The following FAM135B variants were observed in gnomAD, a reference collection of about 807,000 sequenced individuals.
The protein encoded by FAM135B is protein FAM135B.
In FAM135B, 43 loss-of-function variants were observed where a neutral mutation model predicts 127.7. The observed-to-expected ratio is 0.34, with a 90% CI of 0.26 to 0.43. FAM135B has a LOEUF of 0.43. Ranked by LOEUF, FAM135B falls within the 20% of genes least tolerant of loss-of-function variation. FAM135B has a pLI of 1.00. For missense variants in FAM135B, 1,558 were observed against 1,725.6 expected (o/e 0.90, Z 1.72); for synonymous variants, 670 against 665.1 (o/e 1.01, Z -0.11).
chr8:138,133,759 G>A lies in FAM135B; in HGVS notation c.4016-961C>T, dbSNP rs140987575. On this transcript the variant is annotated intron_variant, in intron 19 of 19. Coordinates refer to ENST00000395297, the MANE Select transcript of FAM135B (RefSeq NM_015912.4). The stretch of plus-strand genomic sequence containing the variant: ...ATGCCACGTGAAGGAACTCAACACC[G>A]TTTTCCTTTTCCCTCCAGTTATCAG... Among the ~76,000 whole-genome samples the A allele has an allele frequency of 2.5e-3, 381 of 152,224 alleles. 3 individuals are homozygous for A. The highest frequency in any genetic ancestry group is 8.6e-3 in the African/African-American group (357 of 41,546).
intron 3 of FAM135B, among the ~76,000 whole-genome samples, chr8:138,301,808 C>T (rs773203670): frequency 3.9e-5 from 6 of 152,204 alleles, no homozygotes; most frequent in South Asian, 2.1e-4. Context: ...AATTTTATAA[C>T]GCCCTTTTCA....
intron 3 of FAM135B, among the ~76,000 whole-genome samples, chr8:138,304,047 GTGTGC>G (rs1363080115): frequency 6.6e-6 from 1 of 152,312 alleles, no homozygotes; most frequent in East Asian, 1.9e-4. Flanking sequence ...CTTATGATGG[GTGTGC>G]TGTCAGTGAG....
Position 138,243,897 on chromosome 8 carries a change from T to C in FAM135B, c.543-829A>G, listed in dbSNP as rs188305122. ...GTTTTGTCATATTGTGGATACTATA[T>C]TCTAGGCATGTTTTAGTCCCTCAGT... On this transcript the variant is annotated intron_variant, in intron 6 of 19. Coordinates refer to ENST00000395297, the MANE Select transcript of FAM135B (RefSeq NM_015912.4). The surrounding 1 kb of genome is among the most constrained non-coding windows in gnomAD (Gnocchi z 7.5). Among the ~76,000 whole-genome samples the C allele has an allele frequency of 3.2e-4, 48 of 152,312 alleles. No homozygotes were observed. The highest frequency in any genetic ancestry group is 5.3e-4 in the Non-Finnish European group (36 of 68,032).
intron 1 of FAM135B, among the ~76,000 whole-genome samples, chr8:138,482,082 C>T (rs995695977): frequency 6.6e-6 from 1 of 152,146 alleles, no homozygotes; most frequent in African/African-American, 2.4e-5. Flanking sequence ...ACATCATGCC[C>T]AAGCTTCAGC....
At chr8:138,346,662 C>T (rs569737824) in intron 2 of FAM135B, among the ~76,000 whole-genome samples, 20 of 151,910 alleles carry the variant, frequency 1.3e-4, no homozygotes, top group East Asian at 3.9e-4. Context: ...TGGGGCCTGT[C>T]GGGGGGTCAG....
In FAM135B at chr8:138,380,768, A is replaced by C. The variant is rs76316366; in HGVS notation, c.-19-12766T>G. On this transcript the variant is annotated intron_variant, in intron 1 of 19. Transcript: ENST00000395297. ...AGGTTGGAAAAAAAAAGTAACAAAC[A>C]ACAAAATCTAACTTTAGATCTTCCT... Among the ~76,000 whole-genome samples the C allele has an allele frequency of 4.2e-3, 635 of 152,164 alleles. 6 individuals are homozygous for C. Among genetic ancestry groups the C allele is most frequent in the African/African-American group, 0.015 (615 of 41,504 alleles).
chr8:138,327,238 T>C (rs1827849707), intron 2 of FAM135B, among the ~76,000 whole-genome samples: 2 of 152,204 alleles, frequency 1.3e-5, no homozygotes, highest in African/African-American at 2.4e-5. Flanking sequence ...GTCAACCGTG[T>C]GTCAGGCAAG....
chr8:138,312,774 G>C (rs571942591), intron 2 of FAM135B, among the ~76,000 whole-genome samples: 1 of 152,282 alleles, frequency 6.6e-6, no homozygotes, highest in African/African-American at 2.4e-5. Context: ...GACTTCAGCA[G>C]GGAGCCAGGC....
At chr8:138,424,014 G>C (rs1476203437) in intron 1 of FAM135B, among the ~76,000 whole-genome samples, 1 of 152,104 alleles carries the variant, frequency 6.6e-6, no homozygotes. Flanking sequence ...GGAGTTTAAG[G>C]TTTTCTCTCT....
intron 2 of FAM135B, among the ~76,000 whole-genome samples, chr8:138,338,204 G>A (rs1828760723): frequency 6.6e-6 from 1 of 151,856 alleles, no homozygotes; most frequent in Admixed American, 6.6e-5. Flanking sequence ...CATAGGCAAG[G>A]ACTTCATGTC....
intron 2 of FAM135B, among the ~76,000 whole-genome samples, chr8:138,329,410 GAA>G (rs1828018215): frequency 6.6e-5 from 10 of 152,176 alleles, no homozygotes; most frequent in African/African-American, 2.4e-4. Flanking sequence ...CCAGGTGTCT[GAA>G]GTCATTCTGG....
At chr8:138,252,361 T>C (rs1821759417) in intron 5 of FAM135B, among the ~76,000 whole-genome samples, 1 of 152,228 alleles carries the variant, frequency 6.6e-6, no homozygotes, top group African/African-American at 2.4e-5. Context: ...CAGGTCTTCC[T>C]GATTCACAGT....
intron 19 of FAM135B, among the ~76,000 whole-genome samples, chr8:138,133,720 C>T (rs1343683432): frequency 6.6e-6 from 1 of 152,184 alleles, no homozygotes; most frequent in Non-Finnish European, 1.5e-5. Context: ...CAGCCTCACT[C>T]TGGACACTCT....
intron 1 of FAM135B, among the ~76,000 whole-genome samples, chr8:138,444,880 G>T (rs1404580364): frequency 6.6e-6 from 1 of 152,024 alleles, no homozygotes; most frequent in Non-Finnish European, 1.5e-5. Context: ...TTTTTGAAAA[G>T]ATCAACAAAA....
chr8:138,482,285 C>G (rs369508100), intron 1 of FAM135B, among the ~76,000 whole-genome samples: 10 of 151,752 alleles, frequency 6.6e-5, no homozygotes, highest in African/African-American at 2.4e-4. Flanking sequence ...TAGGGAAGAG[C>G]GTGTTGAAGT....
chr8:138,464,982 A>T (rs1157324836), intron 1 of FAM135B, among the ~76,000 whole-genome samples: 1 of 152,240 alleles, frequency 6.6e-6, no homozygotes, highest in East Asian at 1.9e-4. Context: ...TTATTTAAAG[A>T]ACAATTAGTG....
At chr8:138,481,423 T>C (rs1814776958) in intron 1 of FAM135B, among the ~76,000 whole-genome samples, 1 of 152,190 alleles carries the variant, frequency 6.6e-6, no homozygotes, top group Non-Finnish European at 1.5e-5. Context: ...AAATGCTCTG[T>C]TTGCATCCTT....
intron 7 of FAM135B, among the ~76,000 whole-genome samples, chr8:138,226,184 T>TGTGTGTGTGTGTGCGCGCGCGCGCGCGC: frequency 3.5e-4 from 49 of 139,290 alleles, no homozygotes; most frequent in Non-Finnish European, 6.6e-4. Flanking sequence ...TGTGTGTGTG[T>TGTGTGTGTGTGTGCGCGCGCGCGCGCGC]GCGCGCATGT....
At chr8:138,342,238 T>C (rs1262493821) in intron 2 of FAM135B, among the ~76,000 whole-genome samples, 2 of 152,194 alleles carry the variant, frequency 1.3e-5, no homozygotes, top group African/African-American at 2.4e-5. Context: ...GATTCAATTC[T>C]AGAGCACTCT....
Sources: gnomAD v4.1 joint callset for allele counts (sites outside exome capture counted in the v4.1 genomes callset) on GRCh38, gnomAD v4.1.1 for gene constraint, Gnocchi (gnomAD v3.1) non-coding constraint, MANE v1.5 for transcripts, NCBI Gene and HGNC (gene_info 2026-07-23, HGNC 2026-07-21) for gene names.